TOP1: variants seen among roughly 807,000 people sequenced by gnomAD.
TOP1 encodes the protein DNA topoisomerase I.
A neutral mutation model predicts 111.1 loss-of-function variants in TOP1; 10 were observed. The observed-to-expected ratio is 0.09, with a 90% CI of 0.06 to 0.15. TOP1 has a LOEUF of 0.15. Among genes scored for constraint, TOP1 ranks in the 10% least tolerant of loss-of-function variants. The probability of loss-of-function intolerance (pLI) is 1.00; values close to 1 mark genes in which losing one functional copy is unlikely to be tolerated. For missense variants in TOP1, 474 were observed against 926.7 expected, an observed-to-expected ratio of 0.51 and a Z score of 6.34; for synonymous variants, 271 against 302.9, an observed-to-expected ratio of 0.89 and a Z score of 1.10.
chr20:41,113,210 A>G (rs992183788), intron 14 of TOP1, among the ~76,000 whole-genome samples: 3 of 152,216 alleles, frequency 2.0e-5, no homozygotes, highest in African/African-American at 7.2e-5. Flanking sequence ...TTTAAAGACC[A>G]CGCTCTAGAG....
In TOP1 at chr20:41,114,218, G is replaced by T; in HGVS notation, c.1638+63G>T. 6.9e-7 allele frequency: 1 copy of T among 1,439,336 alleles called. No individual in the cohort carries two copies. Among genetic ancestry groups the T allele is most frequent in the Non-Finnish European group, 9.6e-7 (1 of 1,044,460 alleles). 89.2% of individuals were successfully genotyped at this position (1,439,336 alleles called of 1,614,324 possible). ...ATTATTCAACAAGCATGGGTTGACT[G>T]CTTTTTTGTGTGCTTTGCACTTTGC... On this transcript the variant is annotated intron_variant, in intron 15 of 20. Coordinates refer to ENST00000361337, the MANE Select transcript of TOP1 (RefSeq NM_003286.4). This position sits in a 1 kb window ranked among gnomAD's most constrained non-coding sequence, Gnocchi z 4.5.
At chr20:41,070,705 T>C (rs1282680272) in intron 3 of TOP1, among the ~76,000 whole-genome samples, 1 of 152,242 alleles carries the variant, frequency 6.6e-6, no homozygotes, top group Non-Finnish European at 1.5e-5. Flanking sequence ...GTCTGCTGCC[T>C]TGAGGAGTAG....
Position 41,123,061 on chromosome 20 carries a change from T to C in TOP1, c.2196-134T>C, listed in dbSNP as rs2034446257. The C allele has an allele frequency of 6.4e-6, 4 of 624,968 alleles. No individual in the cohort carries two copies. Among genetic ancestry groups the C allele is most frequent in the Non-Finnish European group, 1.2e-5 (4 of 346,134 alleles). 38.7% of individuals were successfully genotyped at this position (624,968 alleles called of 1,614,324 possible). On this transcript the variant is annotated intron_variant, in intron 20 of 20. Transcript: ENST00000361337. This position sits in a 1 kb window ranked among gnomAD's most constrained non-coding sequence, Gnocchi z 5.8. ...TTGATCACATAAAACCTTTAGAACA[T>C]GCTTGGTGCACTATTAATTTGCATC...
intron 13 of TOP1, among the ~76,000 whole-genome samples, chr20:41,108,668 T>C (rs2034186342): frequency 6.6e-6 from 1 of 152,202 alleles, no homozygotes; most frequent in African/African-American, 2.4e-5. Flanking sequence ...CAAGCATATT[T>C]CCATTCTTTC....
intron 3 of TOP1, among the ~76,000 whole-genome samples, chr20:41,075,696 G>A (rs1463236876): frequency 6.6e-6 from 1 of 152,216 alleles, no homozygotes; most frequent in Non-Finnish European, 1.5e-5. Context: ...TGACTAACTT[G>A]CCTAGTTAAA....
rs546338702 is a variant in TOP1 at position 41,100,817 on chromosome 20, C to G, written c.1164-392C>G. The G allele has an allele frequency of 5.7e-6, 1 of 174,638 alleles. No individual in the cohort carries two copies. Among genetic ancestry groups the G allele is most frequent in the South Asian group, 1.5e-4 (1 of 6,500 alleles). 10.8% of individuals were successfully genotyped at this position (174,638 alleles called of 1,614,324 possible). A position where few individuals can be genotyped will look rare whatever the true frequency, so the allele number is the denominator to read the frequency against. On this transcript the variant is annotated intron_variant, in intron 12 of 20. Transcript: ENST00000361337. The surrounding 1 kb of genome is among the most constrained non-coding windows in gnomAD (Gnocchi z 4.4). Reference sequence around the variant, plus strand: ...CCTTTATTAAGTAAAAGAAGGATTACTTGAACACAAGCAATGTAAAACCAT... The same window carrying G: ...CCTTTATTAAGTAAAAGAAGGATTAGTTGAACACAAGCAATGTAAAACCAT...
Position 41,106,465 on chromosome 20 carries a change from A to G in TOP1, c.1308+5112A>G, listed in dbSNP as rs1180060139. ...TGTTGAGATTTTTATTGGAATTGCA[A>G]TACATTTATAGATTAACGGAGAAAG... On this transcript the variant is annotated intron_variant, in intron 13 of 20. Transcript: ENST00000361337. The surrounding 1 kb of genome is among the most constrained non-coding windows in gnomAD (Gnocchi z 4.3). Among the ~76,000 whole-genome samples the G allele has an allele frequency of 2.6e-5, 4 of 152,218 alleles. No homozygotes were observed. The highest frequency in any genetic ancestry group is 5.9e-5 in the Non-Finnish European group (4 of 68,034).
rs1050501958 is a variant in TOP1, at chr20:41,114,421, C to T, written c.1638+266C>T. Among the ~76,000 whole-genome samples, 3 of 152,140 alleles carry T rather than the reference C, an allele frequency of 2.0e-5. No individual in the cohort carries two copies. Among genetic ancestry groups the T allele is most frequent in the African/African-American group, 7.2e-5 (3 of 41,428 alleles). On this transcript the variant is annotated intron_variant, in intron 15 of 20. Transcript: ENST00000361337. The surrounding 1 kb of genome is among the most constrained non-coding windows in gnomAD (Gnocchi z 4.5). ...GCCTGGGCAAAATAGTGAGACCTTG[C>T]CTCTCATATTAAAATAAATAAAAAT...
chr20:41,116,348 A>C lies in TOP1; in HGVS notation c.1778A>C (p.Asn593Thr). The C allele has an allele frequency of 6.2e-7, 1 of 1,613,860 alleles. No homozygotes were observed. The highest frequency in any genetic ancestry group is 8.5e-7 in the Non-Finnish European group (1 of 1,180,016). The change falls in exon 17 of 21, where the codon AAT becomes ACT. Residue 593 changes from asparagine (N) to threonine (T), a missense_variant. Coordinates refer to ENST00000361337, the MANE Select transcript of TOP1 (RefSeq NM_003286.4). The surrounding 1 kb of genome is among the most constrained non-coding windows in gnomAD (Gnocchi z 5.6). ...ACAGCCAAGGTATTCCGTACATACAATGCCTCCATCACGCTACAGCAGCAG... is the reference window on the plus strand; with the variant it reads ...ACAGCCAAGGTATTCCGTACATACACTGCCTCCATCACGCTACAGCAGCAG... ...GLTAKVFRTY[N>T]ASITLQQQLK...
Position 41,061,497 on chromosome 20 carries a change from G to A in TOP1, c.155+7G>A, listed in dbSNP as rs770493813. 2 of 1,578,152 alleles carry A rather than the reference G, an allele frequency of 1.3e-6. No homozygotes were observed. Among genetic ancestry groups the A allele is most frequent in the South Asian group, 2.3e-5 (2 of 87,768 alleles). On this transcript the variant is annotated splice_region_variant and intron_variant, in intron 3 of 20. Coordinates refer to ENST00000361337, the MANE Select transcript of TOP1 (RefSeq NM_003286.4). This position sits in a 1 kb window ranked among gnomAD's most constrained non-coding sequence, Gnocchi z 4.6. ...AGTCCAAGCATAGCAACAGGTAAGGGTGGAATCAAGCAAGTCCCTCATCAT... is the reference window on the plus strand; with the variant it reads ...AGTCCAAGCATAGCAACAGGTAAGGATGGAATCAAGCAAGTCCCTCATCAT...
rs1427123274 is a variant in TOP1 at position 41,061,122 on chromosome 20, A to G, written c.59-272A>G. On this transcript the variant is annotated intron_variant, in intron 2 of 20. Transcript: ENST00000361337. This position sits in a 1 kb window ranked among gnomAD's most constrained non-coding sequence, Gnocchi z 4.6. ...GCTTAATAGTATTATGTCTAGGGAG[A>G]AAAACGCCAAACTGTGGCTTCTTTC... Among the ~76,000 whole-genome samples, 1 of 152,172 alleles carries G rather than the reference A, an allele frequency of 6.6e-6. No homozygotes were observed. The highest frequency in any genetic ancestry group is 1.5e-5 in the Non-Finnish European group (1 of 68,020).
intron 3 of TOP1, among the ~76,000 whole-genome samples, chr20:41,070,645 G>C (rs2033659316): frequency 6.6e-6 from 1 of 152,228 alleles, no homozygotes; most frequent in Admixed American, 6.5e-5. Context: ...GAAGCTCTCT[G>C]TGCTGTCTCA....
intron 5 of TOP1, 76 bp downstream of exon 5, chr20:41,077,713 C>A: frequency 7.2e-7 from 1 of 1,394,846 alleles, no homozygotes; most frequent in Non-Finnish European, 1.0e-6. Flanking sequence ...GTAGTGTTGT[C>A]TGAGTTAACC....
At position 41,090,579 on chromosome 20, in the gene TOP1, T is replaced by C. The variant is rs182497809; in HGVS notation, c.615-1893T>C. Reference sequence around the variant, plus strand: ...GTGCAGTCACGTGATCTCGGCTCACTGCAACCTTCACCTCCCAGGTTCAAA... The same window carrying C: ...GTGCAGTCACGTGATCTCGGCTCACCGCAACCTTCACCTCCCAGGTTCAAA... On this transcript the variant is annotated intron_variant, in intron 8 of 20. Transcript: ENST00000361337. 2.8e-4 allele frequency among the ~76,000 whole-genome samples: 43 copies of C among 152,290 alleles called. No homozygotes were observed. The East Asian group carries it at 7.9e-3, about 28-fold the overall frequency.
chr20:41,059,697 G>T (rs746359315), intron 2 of TOP1, among the ~76,000 whole-genome samples: 4 of 151,730 alleles, frequency 2.6e-5, no homozygotes, highest in African/African-American at 7.3e-5. Flanking sequence ...TTGATGAAGT[G>T]GACTTGATCA....
At position 41,109,945 on chromosome 20, in the gene TOP1, TAAG is replaced by T. The variant is rs762500655; in HGVS notation, c.1309-2833_1309-2831del. ...AGAATATACTATATTTATCAGCAGT[TAAG>T]AAGGGAACTACTTATGTATTCAACA... On this transcript the variant is annotated intron_variant, in intron 13 of 20. Transcript: ENST00000361337. This position sits in a 1 kb window ranked among gnomAD's most constrained non-coding sequence, Gnocchi z 4.1. Among the ~76,000 whole-genome samples, 11 of 152,248 alleles carry T rather than the reference TAAG, an allele frequency of 7.2e-5. No homozygotes were observed. Among genetic ancestry groups the T allele is most frequent in the Non-Finnish European group, 5.9e-5 (4 of 68,044 alleles).
rs1467499157 is a variant in TOP1, at chr20:41,067,753, G to A, written c.155+6263G>A. Among the ~76,000 whole-genome samples the A allele has an allele frequency of 1.3e-5, 2 of 152,306 alleles. No individual in the cohort carries two copies. Among genetic ancestry groups the A allele is most frequent in the Admixed American group, 1.3e-4 (2 of 15,310 alleles). On this transcript the variant is annotated intron_variant, in intron 3 of 20. Coordinates refer to ENST00000361337, the MANE Select transcript of TOP1 (RefSeq NM_003286.4). This position sits in a 1 kb window ranked among gnomAD's most constrained non-coding sequence, Gnocchi z 4.0. The stretch of plus-strand genomic sequence containing the variant: ...TATACTTAGGACCCAAGCCCAGGAG[G>A]CATTTACTGTCCTGTGCAGTAGCAA...
rs1351001178 is a variant in TOP1 at position 41,030,940 on chromosome 20, TA to T, written c.58+1487del. On this transcript the variant is annotated intron_variant, in intron 2 of 20. Coordinates refer to ENST00000361337, the MANE Select transcript of TOP1 (RefSeq NM_003286.4). The surrounding 1 kb of genome is among the most constrained non-coding windows in gnomAD (Gnocchi z 4.1). The stretch of plus-strand genomic sequence containing the variant: ...GGTGCTAGAGCTGATCCTGTAACCA[TA>T]ACACTCCCTTGCTCTCAATTCAGTC... Among the ~76,000 whole-genome samples the T allele has an allele frequency of 6.6e-6, 1 of 152,234 alleles. No homozygotes were observed. Among genetic ancestry groups the T allele is most frequent in the Admixed American group, 6.5e-5 (1 of 15,282 alleles).
intron 2 of TOP1, among the ~76,000 whole-genome samples, chr20:41,031,968 G>T (rs75534547): frequency 0.08 from 12,213 of 152,230 alleles, 680 homozygotes; most frequent in African/African-American, 0.15. Flanking sequence ...TTGTCTGGAA[G>T]ATGTGGTGTT....
Sources: gnomAD v4.1 joint callset for allele counts (sites outside exome capture counted in the v4.1 genomes callset) on GRCh38, gnomAD v4.1.1 for gene constraint, Gnocchi (gnomAD v3.1) non-coding constraint, MANE v1.5 for transcripts, NCBI Gene and HGNC (gene_info 2026-07-23, HGNC 2026-07-21) for gene names.